Variants in MCF2L2 observed in about 807,000 individuals in gnomAD.
MCF2L2 encodes the protein MCF.2 cell line derived transforming sequence-like 2, also known as probable guanine nucleotide exchange factor MCF2L2.
MCF2L2 carries 102 observed loss-of-function variants against 150.2 expected under a neutral mutation model. The observed-to-expected ratio is 0.68, with a 90% CI of 0.58 to 0.80. The LOEUF (loss-of-function observed/expected upper bound fraction) is 0.80, where lower values mean the gene tolerates loss of function less well. Among genes scored for constraint, MCF2L2 ranks in the 30% least tolerant of loss-of-function variants. The pLI, the probability that MCF2L2 is intolerant of heterozygous loss-of-function variation, is 0.00. For missense variants in MCF2L2, 1,256 were observed against 1,372.8 expected, an observed-to-expected ratio of 0.91 and a Z score of 1.34; for synonymous variants, 465 against 491.3, an observed-to-expected ratio of 0.95 and a Z score of 0.71.
intron 5 of MCF2L2, 76 bp downstream of exon 5, chr3:183,338,724 G>T: frequency 2.8e-6 from 4 of 1,450,896 alleles, no homozygotes; most frequent in South Asian, 1.4e-5. Flanking sequence ...ATCTTATCTT[G>T]CCCAGAAACC....
intron 27 of MCF2L2, among the ~76,000 whole-genome samples, chr3:183,180,947 C>T (rs1314259379): frequency 6.6e-6 from 1 of 152,214 alleles, no homozygotes; most frequent in South Asian, 2.1e-4. Context: ...AGTCTCTGCC[C>T]CACATGGCTC....
chr3:183,311,092 G>T, intron 8 of MCF2L2, 63 bp from the exon 9 acceptor site: 1 of 969,708 alleles, frequency 1.0e-6, no homozygotes, highest in Non-Finnish European at 1.6e-6. Context: ...CATCCATATA[G>T]GCCTATGGCT....
At chr3:183,342,133 T>C (rs550932909) in intron 3 of MCF2L2, among the ~76,000 whole-genome samples, 5 of 152,332 alleles carry the variant, frequency 3.3e-5, no homozygotes, top group Admixed American at 1.3e-4. Context: ...AATAGGCCAA[T>C]AGACAATATG....
In MCF2L2 at chr3:183,213,259, A is replaced by C. The variant is rs889100999; in HGVS notation, c.2496+2710T>G. Among the ~76,000 whole-genome samples the C allele has an allele frequency of 5.3e-5, 8 of 151,016 alleles. No homozygotes were observed. The East Asian group carries it at 1.5e-3, about 29-fold the overall frequency. ...TATGCATTGGATTTGAAAAAAAAAA[A>C]AACTTTTGTTTTTTTTTTGCAAATA... is the stretch of plus-strand genomic sequence containing the variant. On this transcript the variant is annotated intron_variant, in intron 22 of 29. Transcript: ENST00000328913.
chr3:183,238,926 G>C (rs898425096), intron 15 of MCF2L2, among the ~76,000 whole-genome samples: 1 of 148,348 alleles, frequency 6.7e-6, no homozygotes, highest in Non-Finnish European at 1.5e-5. Flanking sequence ...GGACCCCGGA[G>C]GTGGAGCTTG....
chr3:183,301,014 C>CAAAAAAAAAAAAAAAAAA (rs11388183), intron 10 of MCF2L2, among the ~76,000 whole-genome samples: 1 of 65,642 alleles, frequency 1.5e-5, no homozygotes. Context: ...GACTCCATCT[C>CAAAAAAAAAAAAAAAAAA]AAAAAAAAAA....
At chr3:183,422,192 C>T (rs1453594249) in intron 1 of MCF2L2, among the ~76,000 whole-genome samples, 2 of 152,192 alleles carry the variant, frequency 1.3e-5, no homozygotes, top group East Asian at 1.9e-4. Context: ...AACAAGCTGG[C>T]CTATGGTTTA....
chr3:183,387,773 AAC>A (rs1713914412), intron 2 of MCF2L2, among the ~76,000 whole-genome samples: 1 of 152,008 alleles, frequency 6.6e-6, no homozygotes, highest in South Asian at 2.1e-4. Context: ...TCTCTACAAA[AAC>A]ACAAAAATTA....
rs1229409148 is a variant in MCF2L2, at chr3:183,282,776, C to A, written c.1777-5819G>T. On this transcript the variant is annotated intron_variant, in intron 14 of 29. Transcript: ENST00000328913. ...CAAATCAGAAAAGTACTTTATTAGG[C>A]CAGTCTTTGTCCAAGCAAATTTGGT... Among the ~76,000 whole-genome samples the A allele has an allele frequency of 2.6e-5, 4 of 152,168 alleles. No individual in the cohort carries two copies. In the East Asian group the frequency reaches 7.7e-4, roughly 29 times the overall value.
At chr3:183,407,281 T>A (rs1715093049) in intron 1 of MCF2L2, among the ~76,000 whole-genome samples, 2 of 152,248 alleles carry the variant, frequency 1.3e-5, no homozygotes, top group South Asian at 4.1e-4. Flanking sequence ...AGTTTTAAAA[T>A]TAGGTAATGT....
At chr3:183,180,298 C>A (rs1721474260) in intron 27 of MCF2L2, 139 bp from the exon 28 acceptor site, 2 of 639,182 alleles carry the variant, frequency 3.1e-6, no homozygotes, top group Non-Finnish European at 2.8e-6. Context: ...AGGGCCTGCA[C>A]TGCGCTGGGC....
intron 3 of MCF2L2, chr3:183,372,419 A>G (rs1397081446): frequency 6.6e-6 from 1 of 152,246 alleles, no homozygotes; most frequent in Middle Eastern, 3.2e-3. Context: ...AAATGAATGT[A>G]GAAAAATTAC....
At chr3:183,180,426 G>A (rs1446063819) in intron 27 of MCF2L2, 2 of 410,990 alleles carry the variant, frequency 4.9e-6, no homozygotes, top group Non-Finnish European at 8.6e-6. Flanking sequence ...CAAGAAAACA[G>A]TCATTGTTTT....
At chr3:183,230,852 A>G in intron 16 of MCF2L2, 99 bp downstream of exon 16, 1 of 837,594 alleles carries the variant, frequency 1.2e-6, no homozygotes, top group South Asian at 1.7e-5. Context: ...CTTGGTGGGA[A>G]TTCTGGAGAC....
At chr3:183,258,007 G>A (rs982303247) in intron 15 of MCF2L2, among the ~76,000 whole-genome samples, 3 of 108,370 alleles carry the variant, frequency 2.8e-5, no homozygotes, top group African/African-American at 3.6e-5. Context: ...TCGCTCTGTT[G>A]CCCAGGCTGG....
At position 183,179,419 on chromosome 3, in the gene MCF2L2, C is replaced by G; in HGVS notation, c.3306G>C (p.Ala1102=). The G allele has an allele frequency of 6.4e-7, 1 of 1,569,448 alleles. No individual in the cohort carries two copies. Among genetic ancestry groups the G allele is most frequent in the Non-Finnish European group, 8.6e-7 (1 of 1,156,664 alleles). The change falls in exon 30 of 30, where the codon GCG becomes GCC. Residue 1102 remains alanine, a synonymous_variant. Coordinates refer to ENST00000328913, the MANE Select transcript of MCF2L2 (RefSeq NM_015078.4). This position sits in a 1 kb window ranked among gnomAD's most constrained non-coding sequence, Gnocchi z 4.2. ...CGGAGGTCCTCGGGCGCAGCGCCCT[C>G]GCCTGGAAACCAGCCGTCGCCCCCG... ...APAGATAGFQ[A]RALRPRTSAQ...
intron 10 of MCF2L2, among the ~76,000 whole-genome samples, chr3:183,308,136 G>A (rs1021675049): frequency 6.6e-6 from 1 of 152,062 alleles, no homozygotes; most frequent in South Asian, 2.1e-4. Context: ...TTAGTGAACT[G>A]TCTCTCTCCA....
rs184896840 is a variant in MCF2L2 at position 183,294,692 on chromosome 3, C to G, written c.1675+608G>C. On this transcript the variant is annotated intron_variant, in intron 13 of 29. Transcript: ENST00000328913. Reference sequence around the variant, plus strand: ...CACCCAGGATGGAGTGCAGTGGCGCCATCTCCGCTAACTGCAAGCTCTGCC... The same window carrying G: ...CACCCAGGATGGAGTGCAGTGGCGCGATCTCCGCTAACTGCAAGCTCTGCC... Among the ~76,000 whole-genome samples, 136 of 143,642 alleles carry G rather than the reference C, an allele frequency of 9.5e-4. 1 individual carries two copies. Among genetic ancestry groups the G allele is most frequent in the African/African-American group, 3.4e-3 (131 of 38,428 alleles). 94.2% of individuals were successfully genotyped at this position (143,642 alleles called of 152,430 possible).
intron 15 of MCF2L2, among the ~76,000 whole-genome samples, chr3:183,248,172 T>C (rs6775452): frequency 0.18 from 26,826 of 152,168 alleles, 7,055 homozygotes; most frequent in African/African-American, 0.57. Context: ...CTCTCAGAGA[T>C]GTTGCTCTCT....
Sources: gnomAD v4.1 joint callset for allele counts (sites outside exome capture counted in the v4.1 genomes callset) on GRCh38, gnomAD v4.1.1 for gene constraint, Gnocchi (gnomAD v3.1) non-coding constraint, MANE v1.5 for transcripts, NCBI Gene and HGNC (gene_info 2026-07-23, HGNC 2026-07-21) for gene names.